LANCL1: variants seen among roughly 807,000 people sequenced by gnomAD.
The protein encoded by LANCL1 is LanC like glutathione S-transferase 1.
LANCL1 carries 50 observed loss-of-function variants against 50.6 expected under a neutral mutation model. The ratio of observed to expected loss-of-function variants is 0.99; its 90% CI spans 0.79 to 1.25. The LOEUF (loss-of-function observed/expected upper bound fraction) is 1.25. Ranked by LOEUF, LANCL1 falls within the 50% of genes most tolerant of loss-of-function variation. The pLI is 0.00. For synonymous variants in LANCL1, 188 were observed against 178.6 expected (o/e 1.05, Z -0.42); for missense variants, 532 against 480.7 (o/e 1.11, Z -1.00).
intron 3 of LANCL1, among the ~76,000 whole-genome samples, chr2:210,463,638 T>G (rs1044811020): frequency 3.9e-5 from 6 of 152,210 alleles, no homozygotes; most frequent in Non-Finnish European, 8.8e-5. Context: ...ATTATTCTTT[T>G]TTTGAACATT....
chr2:210,466,476 C>A (rs1694063888), intron 3 of LANCL1, among the ~76,000 whole-genome samples: 1 of 152,166 alleles, frequency 6.6e-6, no homozygotes, highest in Non-Finnish European at 1.5e-5. Context: ...AACAAAGGAA[C>A]CTTGGTGCTA....
intron 4 of LANCL1, 82 bp from the exon 5 acceptor site, chr2:210,441,525 AT>A (rs1370146037): frequency 9.0e-6 from 10 of 1,114,606 alleles, no homozygotes; most frequent in Non-Finnish European, 1.3e-5. Flanking sequence ...ATTGAAAAAA[AT>A]ATACATGCAC....
At chr2:210,465,770 A>G (rs984304355) in intron 3 of LANCL1, among the ~76,000 whole-genome samples, 4 of 152,182 alleles carry the variant, frequency 2.6e-5, no homozygotes, top group African/African-American at 9.7e-5. Flanking sequence ...TTGCCAACCA[A>G]GAGGCAGCAG....
chr2:210,447,166 C>G (rs937920622), intron 4 of LANCL1, among the ~76,000 whole-genome samples: 1 of 152,156 alleles, frequency 6.6e-6, no homozygotes, highest in Non-Finnish European at 1.5e-5. Flanking sequence ...GCAGAAACCC[C>G]AGAAGCCAGA....
At chr2:210,455,990 A>T (rs1174587052) in intron 3 of LANCL1, among the ~76,000 whole-genome samples, 1 of 152,016 alleles carries the variant, frequency 6.6e-6, no homozygotes, top group African/African-American at 2.4e-5. Context: ...GCCACCAATG[A>T]CTTTTGCCTT....
intron 4 of LANCL1, among the ~76,000 whole-genome samples, chr2:210,448,603 C>G (rs558961341): frequency 6.6e-6 from 1 of 152,086 alleles, no homozygotes. Flanking sequence ...AGATAGACCA[C>G]TAGCCAGACT....
In LANCL1 at chr2:210,435,449, C is replaced by A. The variant is rs776003207; in HGVS notation, c.1061G>T (p.Trp354Leu). ...YLYRACKFAE[W>L]CLEYGEHGCR... ...TCCATGTTCTCCATACTCTAAGCAC[C>A]ATTCAGCAAACTGAAAATGAGACCA... is the stretch of plus-strand genomic sequence containing the variant. Residue 354 changes from tryptophan to leucine, a missense_variant, in exon 9 of 10, where the codon TGG becomes TTG. Coordinates refer to ENST00000450366, the MANE Select transcript of LANCL1 (RefSeq NM_006055.3). The A allele has an allele frequency of 6.2e-7, 1 of 1,613,326 alleles. No individual in the cohort carries two copies. Among genetic ancestry groups the A allele is most frequent in the East Asian group, 2.2e-5 (1 of 44,830 alleles).
intron 4 of LANCL1, among the ~76,000 whole-genome samples, chr2:210,453,280 TA>T (rs1454160457): frequency 1.3e-5 from 2 of 152,212 alleles, no homozygotes; most frequent in African/African-American, 4.8e-5. Flanking sequence ...AGGAGCATTT[TA>T]ATACACTAAT....
At chr2:210,470,528 T>C (rs1460125720) in intron 3 of LANCL1, among the ~76,000 whole-genome samples, 1 of 152,180 alleles carries the variant, frequency 6.6e-6, no homozygotes. Context: ...TTGGCTTATA[T>C]TTACCAGTTG....
chr2:210,472,066 T>C lies in LANCL1; in HGVS notation c.92A>G (p.Glu31Gly). 1 of 1,611,812 alleles carries C rather than the reference T, an allele frequency of 6.2e-7. No individual in the cohort carries two copies. The highest frequency in any genetic ancestry group is 8.5e-7 in the Non-Finnish European group (1 of 1,177,956). Residue 31 changes from glutamate (E) to glycine (G), a missense_variant, in exon 3 of 10, where the codon GAG becomes GGG. Glu to Gly is a moderately conservative substitution (Grantham distance 98). Coordinates refer to ENST00000450366, the MANE Select transcript of LANCL1 (RefSeq NM_006055.3). ...CTTATTGGTCAAGCGTTGTGAGAAC[T>C]CAGGAGTCAGCTAGATATTAAAGGA... ...YFDAAGRLTP[E>G]FSQRLTNKIR... is the part of the protein sequence containing the mutation.
At chr2:210,454,018 T>C (rs1321292959) in intron 4 of LANCL1, among the ~76,000 whole-genome samples, 3 of 152,148 alleles carry the variant, frequency 2.0e-5, no homozygotes, top group African/African-American at 4.8e-5. Flanking sequence ...AAATGTAGCA[T>C]AGGCATGTAT....
chr2:210,469,030 T>C (rs1013888131), intron 3 of LANCL1: 1 of 152,182 alleles, frequency 6.6e-6, no homozygotes, highest in African/African-American at 2.4e-5. Flanking sequence ...TTCTAACTAA[T>C]TGTAATAATC....
At chr2:210,471,676 A>G in intron 3 of LANCL1, 1 of 583,800 alleles carries the variant, frequency 1.7e-6, no homozygotes, top group South Asian at 1.5e-5. Context: ...TAACTATGTA[A>G]TATTGAAAAT....
intron 6 of LANCL1, among the ~76,000 whole-genome samples, chr2:210,439,404 C>T (rs193156709): frequency 8.5e-5 from 13 of 152,258 alleles, no homozygotes; most frequent in Admixed American, 3.9e-4. Flanking sequence ...AATGAAATTT[C>T]GATAAGGCTG....
intron 6 of LANCL1, among the ~76,000 whole-genome samples, chr2:210,438,477 C>T (rs1693015711): frequency 6.6e-6 from 1 of 152,192 alleles, no homozygotes; most frequent in South Asian, 2.1e-4. Flanking sequence ...TATCTACATA[C>T]ATATAAATAA....
rs111619509 is a variant in LANCL1 at position 210,440,254 on chromosome 2, T to C, written c.690+344A>G. 1.0e-3 allele frequency among the ~76,000 whole-genome samples: 155 copies of C among 152,346 alleles called. 2 individuals are homozygous for C. Among genetic ancestry groups the C allele is most frequent in the African/African-American group, 3.6e-3 (150 of 41,588 alleles). On this transcript the variant is annotated intron_variant, in intron 6 of 9. Transcript: ENST00000450366. ...AGTTGTACCTTTTAATGTGGAATAA[T>C]AGTTTTAATTCAAAGCACTGGCTGA...
chr2:210,435,792 C>T (rs1482213057), intron 8 of LANCL1, among the ~76,000 whole-genome samples: 2 of 151,430 alleles, frequency 1.3e-5, no homozygotes, highest in Non-Finnish European at 2.9e-5. Context: ...TCAAGGTTTT[C>T]CTTAAATAAC....
At chr2:210,437,623 A>G in intron 7 of LANCL1, 67 bp downstream of exon 7, 1 of 975,668 alleles carries the variant, frequency 1.0e-6, no homozygotes, top group Non-Finnish European at 1.4e-6. Flanking sequence ...GGATTAGGAT[A>G]AAACTAATTT....
At chr2:210,468,726 T>G (rs1189602781) in intron 3 of LANCL1, 1 of 152,334 alleles carries the variant, frequency 6.6e-6, no homozygotes, top group African/African-American at 2.4e-5. Flanking sequence ...AGCAGCCACC[T>G]TGAGCAAGAG....
Sources: allele counts gnomAD v4.1 joint callset (sites outside exome capture counted in the v4.1 genomes callset), GRCh38; gene constraint gnomAD v4.1.1; transcripts MANE v1.5; gene names NCBI Gene and HGNC (gene_info 2026-07-23, HGNC 2026-07-21).